Variants in NUBPL observed in about 807,000 individuals in gnomAD.
NUBPL encodes the protein iron-sulfur cluster transfer protein NUBPL.
Under a neutral mutation model 45.7 loss-of-function variants are expected in NUBPL, and 31 were observed. The ratio of observed to expected loss-of-function variants is 0.68; its 90% confidence interval spans 0.51 to 0.92. The LOEUF (loss-of-function observed/expected upper bound fraction) is 0.92, where lower values mean the gene tolerates loss of function less well. Ranked by LOEUF, NUBPL falls within the 40% of genes least tolerant of loss-of-function variation. The pLI, the probability that NUBPL is intolerant of heterozygous loss-of-function variation, is 0.00. For synonymous variants in NUBPL, 144 were observed against 140.9 expected (o/e 1.02, Z -0.15); for missense variants, 401 against 398.7 (o/e 1.01, Z -0.05).
chr14:31,843,892 C>T (rs2040413747), intron 8 of NUBPL: 1 of 152,190 alleles, frequency 6.6e-6, no homozygotes, highest in African/African-American at 2.4e-5. Flanking sequence ...TTGCACTATT[C>T]TTTGTTCAGT....
chr14:31,786,872 C>G (rs1036783967), intron 6 of NUBPL, among the ~76,000 whole-genome samples: 6 of 152,288 alleles, frequency 3.9e-5, no homozygotes, highest in African/African-American at 1.4e-4. Context: ...CAAAATGTAG[C>G]ACTATCAAAC....
At chr14:31,594,744 A>G (rs1595339404) in intron 3 of NUBPL, among the ~76,000 whole-genome samples, 1 of 152,198 alleles carries the variant, frequency 6.6e-6, no homozygotes, top group Non-Finnish European at 1.5e-5. Context: ...TTTCTCTACT[A>G]AGAGATTGAA....
intron 3 of NUBPL, among the ~76,000 whole-genome samples, chr14:31,571,631 G>A (rs2033588095): frequency 6.6e-6 from 1 of 151,974 alleles, no homozygotes; most frequent in South Asian, 2.1e-4. Context: ...TGAATTTTTT[G>A]TAGAGACGGG....
In NUBPL at chr14:31,817,834, G is replaced by A. The variant is rs746117949; in HGVS notation, c.608-8795G>A. On this transcript the variant is annotated intron_variant, in intron 7 of 10. Transcript: ENST00000281081. Reference sequence around the variant, plus strand: ...TGTATTAACCTTAAATGTAAGTGGGGTAAATGCCCCAATTAAAAGATGCAG... The same window carrying A: ...TGTATTAACCTTAAATGTAAGTGGGATAAATGCCCCAATTAAAAGATGCAG... 1.5e-3 allele frequency among the ~76,000 whole-genome samples: 235 copies of A among 152,036 alleles called. 2 individuals are homozygous for A. Among genetic ancestry groups the A allele is most frequent in the Non-Finnish European group, 2.2e-4 (15 of 68,006 alleles).
At chr14:31,759,064 G>A (rs1274743736) in intron 6 of NUBPL, among the ~76,000 whole-genome samples, 3 of 149,690 alleles carry the variant, frequency 2.0e-5, no homozygotes, top group African/African-American at 7.3e-5. Flanking sequence ...TCCCACTATC[G>A]ACTTTAAAAA....
intron 6 of NUBPL, among the ~76,000 whole-genome samples, chr14:31,683,446 C>A (rs1227244844): frequency 6.7e-6 from 1 of 149,650 alleles, no homozygotes; most frequent in Admixed American, 6.7e-5. Flanking sequence ...GCAACTTCCG[C>A]CTCCTTGGTT....
At chr14:31,637,925 A>C (rs375824652) in intron 4 of NUBPL, among the ~76,000 whole-genome samples, 1 of 151,102 alleles carries the variant, frequency 6.6e-6, no homozygotes, top group Non-Finnish European at 1.5e-5. Flanking sequence ...GCCTTTTTTT[A>C]TTTTCCATTT....
chr14:31,680,292 C>A (rs1376122781), intron 6 of NUBPL, among the ~76,000 whole-genome samples: 1 of 152,054 alleles, frequency 6.6e-6, no homozygotes, highest in Non-Finnish European at 1.5e-5. Context: ...GAAGAGACAT[C>A]CTGGCCTTTA....
At chr14:31,668,928 T>A (rs2036504318) in intron 4 of NUBPL, among the ~76,000 whole-genome samples, 1 of 152,216 alleles carries the variant, frequency 6.6e-6, no homozygotes, top group South Asian at 2.1e-4. Flanking sequence ...AATGCAGAAA[T>A]ATCCTGCCTT....
At chr14:31,741,794 T>A (rs1411944960) in intron 6 of NUBPL, among the ~76,000 whole-genome samples, 1 of 149,892 alleles carries the variant, frequency 6.7e-6, no homozygotes, top group Non-Finnish European at 1.5e-5. Context: ...CATATCTGCC[T>A]GTCTACCTGT....
chr14:31,726,093 G>C (rs1010710354), intron 6 of NUBPL, among the ~76,000 whole-genome samples: 1 of 152,048 alleles, frequency 6.6e-6, no homozygotes, highest in African/African-American at 2.4e-5. Flanking sequence ...TAAATGTTAT[G>C]GCCTTTCTCA....
intron 6 of NUBPL, among the ~76,000 whole-genome samples, chr14:31,679,833 A>G (rs1040899400): frequency 6.6e-6 from 1 of 152,196 alleles, no homozygotes; most frequent in Non-Finnish European, 1.5e-5. Context: ...ACAATTTTGG[A>G]TGAATTGAGA....
At chr14:31,754,872 C>G (rs1222473509) in intron 6 of NUBPL, among the ~76,000 whole-genome samples, 3 of 125,082 alleles carry the variant, frequency 2.4e-5, no homozygotes, top group African/African-American at 6.0e-5. Context: ...CAACAGTCCC[C>G]ACAGTGTGAT....
intron 6 of NUBPL, among the ~76,000 whole-genome samples, chr14:31,679,347 T>A (rs2036775020): frequency 6.6e-6 from 1 of 152,104 alleles, no homozygotes; most frequent in Admixed American, 6.6e-5. Flanking sequence ...GGGGGGCAAT[T>A]TTTTTGCAGC....
intron 6 of NUBPL, among the ~76,000 whole-genome samples, chr14:31,732,070 T>A (rs910551611): frequency 7.3e-5 from 11 of 151,490 alleles, no homozygotes; most frequent in Admixed American, 7.2e-4. Flanking sequence ...ATGGTGTGCC[T>A]GTAATCGCAG....
At chr14:31,724,144 C>T (rs7140277) in intron 6 of NUBPL, among the ~76,000 whole-genome samples, 24,191 of 152,046 alleles carry the variant, frequency 0.16, 5,490 homozygotes, top group African/African-American at 0.51. Context: ...ACATTTAATG[C>T]CACTTGGTAT....
At chr14:31,767,655 A>C (rs1431978912) in intron 6 of NUBPL, among the ~76,000 whole-genome samples, 1 of 152,186 alleles carries the variant, frequency 6.6e-6, no homozygotes, top group Non-Finnish European at 1.5e-5. Context: ...TGAAAGCACA[A>C]AGTCTTAGCC....
At chr14:31,844,378 C>G (rs2040420930) in intron 8 of NUBPL, 1 of 152,120 alleles carries the variant, frequency 6.6e-6, no homozygotes, top group African/African-American at 2.4e-5. Flanking sequence ...TAAAACTGCC[C>G]AAGCAGTGAG....
intron 7 of NUBPL, among the ~76,000 whole-genome samples, chr14:31,813,172 A>G (rs1224585246): frequency 1.4e-4 from 21 of 151,904 alleles, no homozygotes; most frequent in Non-Finnish European, 1.5e-5. Flanking sequence ...TATTTTTAGC[A>G]GAGACGGGGT....
Sources: allele counts gnomAD v4.1 joint callset (sites outside exome capture counted in the v4.1 genomes callset), GRCh38; gene constraint gnomAD v4.1.1; transcripts MANE v1.5; gene names NCBI Gene and HGNC (gene_info 2026-07-23, HGNC 2026-07-21).